CCDC192: variants seen among roughly 807,000 people sequenced by gnomAD.
CCDC192 encodes coiled-coil domain-containing protein 192.
chr5:127,712,083 A>T (rs748571873), intron 2 of CCDC192, among the ~76,000 whole-genome samples: 1 of 152,078 alleles, frequency 6.6e-6, no homozygotes, highest in African/African-American at 2.4e-5. Flanking sequence ...TGAGATTTTT[A>T]TAAACGGAGA....
At chr5:127,877,616 C>T (rs1057389586) in intron 6 of CCDC192, among the ~76,000 whole-genome samples, 2 of 152,122 alleles carry the variant, frequency 1.3e-5, no homozygotes, top group Non-Finnish European at 2.9e-5. Context: ...TTCAATAGTC[C>T]GGGAGGTTGT....
chr5:127,935,832 C>T (rs893444360), intron 6 of CCDC192, among the ~76,000 whole-genome samples: 3 of 152,150 alleles, frequency 2.0e-5, no homozygotes, highest in African/African-American at 7.2e-5. Flanking sequence ...AGGCCAGGCA[C>T]GGTGGCTCAT....
chr5:127,821,030 T>C (rs759116063), intron 5 of CCDC192, among the ~76,000 whole-genome samples: 20 of 152,084 alleles, frequency 1.3e-4, no homozygotes, highest in Non-Finnish European at 2.6e-4. Flanking sequence ...ACACTACATG[T>C]ACACACACAC....
chr5:127,859,996 T>G (rs1426812962), intron 5 of CCDC192, among the ~76,000 whole-genome samples: 1 of 152,178 alleles, frequency 6.6e-6, no homozygotes, highest in Non-Finnish European at 1.5e-5. Flanking sequence ...TGGAATGACT[T>G]CCTCCTTGTA....
chr5:127,873,096 G>T (rs1751929086), intron 5 of CCDC192, among the ~76,000 whole-genome samples: 1 of 152,110 alleles, frequency 6.6e-6, no homozygotes, highest in Admixed American at 6.6e-5. Context: ...AAATGAAAAT[G>T]TAGCTTGGTA....
chr5:127,765,219 G>A (rs1276966333), intron 3 of CCDC192, among the ~76,000 whole-genome samples: 1 of 152,078 alleles, frequency 6.6e-6, no homozygotes, highest in Non-Finnish European at 1.5e-5. Flanking sequence ...TTCTTTTATG[G>A]GTGGAGGAGA....
intron 3 of CCDC192, among the ~76,000 whole-genome samples, chr5:127,776,319 C>T (rs1755854902): frequency 6.6e-6 from 1 of 152,172 alleles, no homozygotes; most frequent in South Asian, 2.1e-4. Context: ...CATTTTGCCC[C>T]TGCCCTAGAG....
At chr5:127,797,768 TATATATA>T (rs1561494234) in intron 4 of CCDC192, among the ~76,000 whole-genome samples, 255 of 18,102 alleles carry the variant, frequency 0.014, 8 homozygotes, top group East Asian at 0.063. Context: ...TATATATATA[TATATATA>T]TATTTATTTA....
intron 3 of CCDC192, among the ~76,000 whole-genome samples, chr5:127,768,088 C>T (rs1343442679): frequency 6.6e-6 from 1 of 151,922 alleles, no homozygotes; most frequent in Non-Finnish European, 1.5e-5. Context: ...CCTGTCTCTA[C>T]TAAAAATACA....
intron 5 of CCDC192, among the ~76,000 whole-genome samples, chr5:127,824,172 A>C (rs1749419526): frequency 1.3e-5 from 2 of 152,214 alleles, no homozygotes; most frequent in African/African-American, 4.8e-5. Context: ...TTCCCTTAAG[A>C]AAACAATTAG....
chr5:127,831,523 G>A (rs568735882), intron 5 of CCDC192, among the ~76,000 whole-genome samples: 2 of 152,062 alleles, frequency 1.3e-5, no homozygotes, highest in Admixed American at 6.6e-5. Context: ...TATTGTGTGT[G>A]TGTGTTTTTT....
At chr5:127,738,403 T>C (rs552121910) in intron 2 of CCDC192, among the ~76,000 whole-genome samples, 2,355 of 138,734 alleles carry the variant, frequency 0.017, 32 homozygotes, top group Middle Eastern at 0.046. Context: ...CTGACAATTA[T>C]GTGTCTTGGA....
intron 5 of CCDC192, among the ~76,000 whole-genome samples, chr5:127,874,117 C>A (rs774008016): frequency 2.0e-5 from 3 of 152,178 alleles, no homozygotes; most frequent in Non-Finnish European, 2.9e-5. Flanking sequence ...AGGATGCATT[C>A]TAATAATTAG....
At chr5:127,798,581 A>G (rs1757305694) in intron 5 of CCDC192, among the ~76,000 whole-genome samples, 1 of 152,030 alleles carries the variant, frequency 6.6e-6, no homozygotes, top group Non-Finnish European at 1.5e-5. Context: ...AAAACAAATT[A>G]CTCAGATTCT....
At chr5:127,754,885 A>C (rs772932027) in intron 3 of CCDC192, among the ~76,000 whole-genome samples, 2 of 152,200 alleles carry the variant, frequency 1.3e-5, no homozygotes, top group Non-Finnish European at 2.9e-5. Flanking sequence ...TGATAAGTGG[A>C]GCCTGGTCTG....
chr5:127,706,687 A>G (rs1447545534), intron 1 of CCDC192, among the ~76,000 whole-genome samples: 1 of 152,220 alleles, frequency 6.6e-6, no homozygotes, highest in East Asian at 1.9e-4. Flanking sequence ...AGTAACAAAA[A>G]CAACAGAAAA....
At chr5:127,721,135 C>T (rs541793843) in intron 2 of CCDC192, among the ~76,000 whole-genome samples, 172 of 152,318 alleles carry the variant, frequency 1.1e-3, no homozygotes, top group Non-Finnish European at 1.9e-3. Context: ...TTTTCTACTA[C>T]GTGGCTGGGC....
At chr5:127,915,443 G>T (rs771648449) in intron 6 of CCDC192, among the ~76,000 whole-genome samples, 1 of 152,150 alleles carries the variant, frequency 6.6e-6, no homozygotes, top group Non-Finnish European at 1.5e-5. Context: ...ATGCAGTGGC[G>T]CAATCTCTGC....
intron 2 of CCDC192, among the ~76,000 whole-genome samples, chr5:127,749,542 A>C (rs1040661306): frequency 1.3e-5 from 2 of 151,818 alleles, no homozygotes; most frequent in Admixed American, 6.6e-5. Context: ...TTTTTGCATC[A>C]ATGTTCATCA....
Sources: allele counts gnomAD v4.1 joint callset (sites outside exome capture counted in the v4.1 genomes callset), GRCh38; gene constraint gnomAD v4.1.1; transcripts MANE v1.5; gene names NCBI Gene and HGNC (gene_info 2026-07-23, HGNC 2026-07-21).